The following RBKS variants were observed in gnomAD, a reference collection of about 807,000 sequenced individuals.
RBKS encodes ribokinase.
RBKS carries 33 observed loss-of-function variants against 33.9 expected under a neutral mutation model. The ratio of observed to expected loss-of-function variants is 0.97; its 90% CI spans 0.74 to 1.30. The LOEUF (loss-of-function observed/expected upper bound fraction) is 1.30. Ranked by LOEUF, RBKS falls within the 50% of genes most tolerant of loss-of-function variation. The pLI, the probability that RBKS is intolerant of heterozygous loss-of-function variation, is 0.00. For missense variants in RBKS, 361 were observed against 392.6 expected, an observed-to-expected ratio of 0.92 and a Z score of 0.68; for synonymous variants, 125 against 143.0, an observed-to-expected ratio of 0.87 and a Z score of 0.90.
At chr2:27,864,712 T>G (rs1664054388) in intron 1 of RBKS, among the ~76,000 whole-genome samples, 1 of 152,088 alleles carries the variant, frequency 6.6e-6, no homozygotes, top group South Asian at 2.1e-4. Flanking sequence ...AGACAGCATT[T>G]AAATACTTAT....
At chr2:27,825,794 T>G (rs1678299565) in intron 7 of RBKS, among the ~76,000 whole-genome samples, 1 of 152,220 alleles carries the variant, frequency 6.6e-6, no homozygotes, top group African/African-American at 2.4e-5. Flanking sequence ...AAATCCTTTT[T>G]CCTGCATAAG....
intron 4 of RBKS, among the ~76,000 whole-genome samples, chr2:27,843,788 A>G (rs1663562870): frequency 2.0e-5 from 3 of 152,344 alleles, no homozygotes; most frequent in African/African-American, 7.2e-5. Flanking sequence ...TGGATCAAAC[A>G]GAAACAGAAC....
chr2:27,790,063 C>T (rs1677492815), intron 7 of RBKS, among the ~76,000 whole-genome samples: 1 of 150,480 alleles, frequency 6.6e-6, no homozygotes, highest in African/African-American at 2.5e-5. Context: ...CTCCTAGGCT[C>T]AAGGGATCTA....
intron 1 of RBKS, among the ~76,000 whole-genome samples, chr2:27,876,061 T>C (rs901938712): frequency 1.3e-5 from 2 of 152,174 alleles, no homozygotes; most frequent in Middle Eastern, 3.2e-3. Context: ...GTTGCTGTTA[T>C]GGAAAACAAT....
In RBKS at chr2:27,795,282, G is replaced by A. The variant is rs1029398555; in HGVS notation, c.796-13494C>T. 1.3e-5 allele frequency among the ~76,000 whole-genome samples: 2 copies of A among 152,134 alleles called. No individual in the cohort carries two copies. The highest frequency in any genetic ancestry group is 4.8e-5 in the African/African-American group (2 of 41,412). On this transcript the variant is annotated intron_variant, in intron 7 of 7. Coordinates refer to ENST00000302188, the MANE Select transcript of RBKS (RefSeq NM_022128.3). This position sits in a 1 kb window ranked among gnomAD's most constrained non-coding sequence, Gnocchi z 4.1. Reference sequence around the variant, plus strand: ...TTCTGTGTTTTTCTGCACAAAGAGGGCAGCAGTTGGACTACTGAGCCCCAA... The same window carrying A: ...TTCTGTGTTTTTCTGCACAAAGAGGACAGCAGTTGGACTACTGAGCCCCAA...
At chr2:27,785,772 A>AG (rs1046259085) in intron 7 of RBKS, among the ~76,000 whole-genome samples, 8 of 151,950 alleles carry the variant, frequency 5.3e-5, no homozygotes, top group Non-Finnish European at 1.0e-4. Flanking sequence ...AAAAAAAAAA[A>AG]AAAGAAAGAA....
At position 27,827,601 on chromosome 2, in the gene RBKS, A is replaced by G. The variant is rs138952225; in HGVS notation, c.761T>C (p.Ile254Thr). ...LSQTEPEPKH[I>T]PTEKVKAVDT... is the part of the protein sequence containing the mutation. ...CACAGCCTTGACTTTCTCTGTGGGAATGTGCTTTGGCTCAGGTTCTGTCTG... is the reference window on the plus strand; with the variant it reads ...CACAGCCTTGACTTTCTCTGTGGGAGTGTGCTTTGGCTCAGGTTCTGTCTG... The change falls in exon 7 of 8, where the codon ATT becomes ACT. Residue 254 changes from isoleucine (I) to threonine (T), a missense_variant. Physicochemically the swap from Ile to Thr is moderately conservative, Grantham distance 89. Coordinates refer to ENST00000302188, the MANE Select transcript of RBKS (RefSeq NM_022128.3). The G allele has an allele frequency of 1.4e-3, 2,314 of 1,603,528 alleles. 30 individuals carry two copies. In the African/African-American group the frequency reaches 0.029, roughly 20 times the overall value.
At chr2:27,818,223 C>T (rs997858305) in intron 7 of RBKS, among the ~76,000 whole-genome samples, 6 of 152,008 alleles carry the variant, frequency 3.9e-5, no homozygotes, top group African/African-American at 9.7e-5. Context: ...CTTACATGTG[C>T]CAGGCACTGT....
chr2:27,845,378 C>T (rs977995465), intron 4 of RBKS, among the ~76,000 whole-genome samples: 3 of 152,162 alleles, frequency 2.0e-5, no homozygotes, highest in Non-Finnish European at 4.4e-5. Context: ...TCTTCTATTA[C>T]CACCTATAGT....
intron 1 of RBKS, among the ~76,000 whole-genome samples, chr2:27,867,799 A>C (rs1194624050): frequency 6.6e-6 from 1 of 152,114 alleles, no homozygotes; most frequent in Non-Finnish European, 1.5e-5. Flanking sequence ...TGTATAGGGG[A>C]TTAGGAAGTG....
At chr2:27,791,646 AATATACATATACATATACATATAC>A (rs66685463) in intron 7 of RBKS, among the ~76,000 whole-genome samples, 11 of 140,984 alleles carry the variant, frequency 7.8e-5, no homozygotes, top group Admixed American at 1.4e-4. Flanking sequence ...ACACACACTA[AATATACATATACATATACATATAC>A]ATATACATAT....
In RBKS at chr2:27,791,824, C is replaced by CT. The variant is rs1246227333; in HGVS notation, c.796-10037dup. Among the ~76,000 whole-genome samples the CT allele has an allele frequency of 9.2e-5, 14 of 152,172 alleles. No individual in the cohort carries two copies. The East Asian group carries it at 2.7e-3, about 29-fold the overall frequency. ...AAAGCAGGCCAGGGGCTGGGGAGTA[C>CT]TGACTGCAAAGGAACTGCACAGCAA... On this transcript the variant is annotated intron_variant, in intron 7 of 7. Coordinates refer to ENST00000302188, the MANE Select transcript of RBKS (RefSeq NM_022128.3).
chr2:27,877,299 C>G (rs182760615), intron 1 of RBKS, among the ~76,000 whole-genome samples: 1,988 of 151,424 alleles, frequency 0.013, 25 homozygotes, highest in Middle Eastern at 0.031. Flanking sequence ...TTTTTTTTCC[C>G]CTAAGAATGC....
intron 7 of RBKS, chr2:27,782,570 A>C: frequency 2.2e-6 from 1 of 457,296 alleles, no homozygotes; most frequent in South Asian, 1.6e-5. Flanking sequence ...TTTTTCTTAC[A>C]GGCTGTGGTT....
chr2:27,862,195 C>T (rs2148221480), intron 1 of RBKS, among the ~76,000 whole-genome samples: 1 of 152,168 alleles, frequency 6.6e-6, no homozygotes, highest in South Asian at 2.1e-4. Flanking sequence ...GGCGATCCTC[C>T]TGCCTCGGCC....
intron 5 of RBKS, among the ~76,000 whole-genome samples, chr2:27,842,848 A>G (rs984985610): frequency 2.0e-5 from 3 of 151,620 alleles, no homozygotes; most frequent in African/African-American, 7.3e-5. Context: ...TTGAAGATTT[A>G]TATTGCGGGA....
intron 2 of RBKS, among the ~76,000 whole-genome samples, chr2:27,853,275 A>G (rs2148216685): frequency 6.9e-6 from 1 of 144,258 alleles, no homozygotes; most frequent in East Asian, 2.2e-4. Flanking sequence ...CTGAGGTGGG[A>G]GGATTGCTTG....
At chr2:27,845,749 A>C (rs1270301081) in intron 4 of RBKS, among the ~76,000 whole-genome samples, 2 of 152,220 alleles carry the variant, frequency 1.3e-5, no homozygotes, top group Non-Finnish European at 2.9e-5. Context: ...GTGAGAAATG[A>C]TGCTGCAAAG....
intron 1 of RBKS, among the ~76,000 whole-genome samples, chr2:27,874,729 G>A (rs564947833): frequency 6.6e-6 from 1 of 152,082 alleles, no homozygotes; most frequent in East Asian, 1.9e-4. Context: ...GTCACTTTTT[G>A]TCTACCCCTG....
Sources: gnomAD v4.1 joint callset for allele counts (sites outside exome capture counted in the v4.1 genomes callset) on GRCh38, gnomAD v4.1.1 for gene constraint, Gnocchi (gnomAD v3.1) non-coding constraint, MANE v1.5 for transcripts, NCBI Gene and HGNC (gene_info 2026-07-23, HGNC 2026-07-21) for gene names.